Variants in TAPT1 observed in about 807,000 individuals in gnomAD.
TAPT1 encodes transmembrane anterior posterior transformation 1, also known as transmembrane anterior posterior transformation protein 1 homolog.
A neutral mutation model predicts 65.6 loss-of-function variants in TAPT1; 28 were observed. That is an observed-to-expected ratio of 0.43 (90% CI 0.32 to 0.59). The LOEUF (loss-of-function observed/expected upper bound fraction) is 0.59. TAPT1 is among the 20% of genes least tolerant of loss of function. The pLI, the probability that TAPT1 is intolerant of heterozygous loss-of-function variation, is 0.09. For missense variants in TAPT1, 563 were observed against 679.9 expected, an observed-to-expected ratio of 0.83 and a Z score of 1.91; for synonymous variants, 278 against 245.2, an observed-to-expected ratio of 1.13 and a Z score of -1.25.
At chr4:16,165,592 C>A (rs1399074075) in intron 13 of TAPT1, among the ~76,000 whole-genome samples, 2 of 151,228 alleles carry the variant, frequency 1.3e-5, no homozygotes. Flanking sequence ...AAAAATACAT[C>A]ATTTAAACTA....
At chr4:16,183,273 AT>A (rs1489169448) in intron 7 of TAPT1, among the ~76,000 whole-genome samples, 3 of 152,172 alleles carry the variant, frequency 2.0e-5, no homozygotes, top group Non-Finnish European at 4.4e-5. Context: ...ACCACCTTGC[AT>A]TGTAACATGA....
chr4:16,169,384 T>C (rs1408078881), intron 12 of TAPT1, among the ~76,000 whole-genome samples: 1 of 152,244 alleles, frequency 6.6e-6, no homozygotes, highest in African/African-American at 2.4e-5. Flanking sequence ...GTCTAACAAT[T>C]ATTCCCATTG....
At chr4:16,199,650 G>A (rs973704893) in intron 3 of TAPT1, among the ~76,000 whole-genome samples, 3 of 151,972 alleles carry the variant, frequency 2.0e-5, no homozygotes, top group African/African-American at 7.2e-5. Context: ...GGAATGCAGT[G>A]GTGCAATCAC....
chr4:16,183,604 A>C (rs1178244524), intron 7 of TAPT1, among the ~76,000 whole-genome samples: 1 of 152,150 alleles, frequency 6.6e-6, no homozygotes, highest in Admixed American at 6.5e-5. Flanking sequence ...AAAACCTTTA[A>C]AACTTAAGAT....
intron 7 of TAPT1, chr4:16,183,105 A>G (rs1748808543): frequency 6.6e-6 from 1 of 152,370 alleles, no homozygotes; most frequent in East Asian, 1.9e-4. Context: ...CAACATATTC[A>G]TATAAAGAGT....
At chr4:16,219,205 G>T (rs1241075334) in intron 1 of TAPT1, among the ~76,000 whole-genome samples, 2 of 152,172 alleles carry the variant, frequency 1.3e-5, no homozygotes, top group Admixed American at 6.5e-5. Context: ...TCAAAGTCAA[G>T]CAGTCTATGG....
At chr4:16,221,025 T>G (rs927242729) in intron 1 of TAPT1, among the ~76,000 whole-genome samples, 1 of 150,850 alleles carries the variant, frequency 6.6e-6, no homozygotes, top group African/African-American at 2.4e-5. Flanking sequence ...TGAGCTACCG[T>G]GCCCAGCCGT....
chr4:16,175,567 ACTTT>A (rs1748268600), intron 9 of TAPT1, among the ~76,000 whole-genome samples: 1 of 152,132 alleles, frequency 6.6e-6, no homozygotes, highest in Admixed American at 6.6e-5. Context: ...ACATTAGGAA[ACTTT>A]CTTATGTTTT....
chr4:16,221,521 T>C (rs1350762648), intron 1 of TAPT1, among the ~76,000 whole-genome samples: 1 of 152,226 alleles, frequency 6.6e-6, no homozygotes, highest in Non-Finnish European at 1.5e-5. Context: ...AAATTGCTTT[T>C]TCTTCACCCC....
intron 12 of TAPT1, among the ~76,000 whole-genome samples, chr4:16,169,545 CTCAT>C (rs1343560005): frequency 6.6e-6 from 1 of 152,188 alleles, no homozygotes; most frequent in South Asian, 2.1e-4. Context: ...CATTTACATA[CTCAT>C]TCAAACAAAC....
At chr4:16,213,944 A>G (rs767786540) in intron 1 of TAPT1, 46 bp from the exon 2 acceptor site, 1 of 1,544,330 alleles carries the variant, frequency 6.5e-7, no homozygotes, top group Non-Finnish European at 8.7e-7. Context: ...AGTATTTATC[A>G]AGGAACTTCC....
chr4:16,190,095 G>C (rs1472879646), intron 4 of TAPT1: 1 of 152,160 alleles, frequency 6.6e-6, no homozygotes, highest in Non-Finnish European at 1.5e-5. Context: ...AGGTAGCTGG[G>C]GTATGGTTTT....
At chr4:16,189,260 T>C (rs1246459114) in intron 4 of TAPT1, among the ~76,000 whole-genome samples, 1 of 152,174 alleles carries the variant, frequency 6.6e-6, no homozygotes, top group Non-Finnish European at 1.5e-5. Flanking sequence ...TCCAATCTCT[T>C]GTGGCTCCTA....
chr4:16,174,622 A>C (rs1329743799), intron 10 of TAPT1, 48 bp downstream of exon 10: 5 of 1,472,266 alleles, frequency 3.4e-6, no homozygotes, highest in Non-Finnish European at 4.6e-6. Flanking sequence ...AGTTAATTTC[A>C]GACTATGCCT....
intron 13 of TAPT1, among the ~76,000 whole-genome samples, chr4:16,165,329 G>C (rs1747530038): frequency 6.6e-6 from 1 of 152,076 alleles, no homozygotes; most frequent in Admixed American, 6.5e-5. Flanking sequence ...CCAGCACTTT[G>C]GGAGGCCGAG....
rs528090029 is a variant in TAPT1 at position 16,163,631 on chromosome 4, C to T, written c.1475-94G>A. ...CAATACAGTGGTGCTGAAAAAAGTG[C>T]CCATTATCCATGCTTTCCGATAAAG... On this transcript the variant is annotated intron_variant, in intron 13 of 13. Coordinates refer to ENST00000405303, the MANE Select transcript of TAPT1 (RefSeq NM_153365.3). 3.5e-3 allele frequency: 3,399 copies of T among 966,748 alleles called. 13 individuals are homozygous for T. The highest frequency in any genetic ancestry group is 4.3e-3 in the Non-Finnish European group (2,765 of 649,936). 59.9% of individuals were successfully genotyped at this position (966,748 alleles called of 1,614,324 possible).
chr4:16,223,730 T>C (rs1027429089), intron 1 of TAPT1, among the ~76,000 whole-genome samples: 5 of 152,166 alleles, frequency 3.3e-5, no homozygotes, highest in Non-Finnish European at 7.3e-5. Flanking sequence ...TACAGACAAA[T>C]ATACATATCT....
chr4:16,214,358 C>G (rs1750812396), intron 1 of TAPT1: 1 of 152,396 alleles, frequency 6.6e-6, no homozygotes, highest in Admixed American at 6.5e-5. Context: ...CAGCTCCCTT[C>G]TTAGTTTAGC....
At chr4:16,171,496 T>C (rs1747985463) in intron 11 of TAPT1, among the ~76,000 whole-genome samples, 1 of 152,162 alleles carries the variant, frequency 6.6e-6, no homozygotes. Context: ...TAGGGAGAAG[T>C]CGTCTTATCT....
Sources: allele counts gnomAD v4.1 joint callset (sites outside exome capture counted in the v4.1 genomes callset), GRCh38; gene constraint gnomAD v4.1.1; transcripts MANE v1.5; gene names NCBI Gene and HGNC (gene_info 2026-07-23, HGNC 2026-07-21).